Variants in POLA1 observed in about 807,000 individuals in gnomAD.
POLA1 encodes the protein DNA polymerase alpha 1, catalytic subunit, also known as DNA polymerase alpha catalytic subunit.
A neutral mutation model predicts 124.0 loss-of-function variants in POLA1; 15 were observed. That is an observed-to-expected ratio of 0.12 (90% CI 0.08 to 0.19). POLA1 has a LOEUF of 0.19. Among genes scored for constraint, POLA1 ranks in the 10% least tolerant of loss-of-function variants. The pLI is 1.00. For missense variants in POLA1, 886 were observed against 1,103.4 expected (o/e 0.80, Z 2.79); for synonymous variants, 408 against 389.4 (o/e 1.05, Z -0.56).
rs2046437198 is a variant in POLA1 at position 24,843,603 on chromosome X, C to T, written c.3973C>T (p.Pro1325Ser). Residue 1325 changes from proline to serine, a missense_variant, in exon 34 of 37, where the codon CCT (proline) becomes TCT (serine). Transcript: ENST00000379068. ...RCSNIDCKASPLTFTVQLSNK... is the reference protein window; with the variant it reads ...RCSNIDCKASSLTFTVQLSNK... ...CAGTAACATCGATTGTAAGGCTTCA[C>T]CTCTGACCTTTACAGTACAACTGAG... is the stretch of plus-strand genomic sequence containing the variant. 3 of 1,186,090 alleles carry T rather than the reference C, an allele frequency of 2.5e-6. No individual in the cohort carries two copies. Among genetic ancestry groups the T allele is most frequent in the Non-Finnish European group, 3.4e-6 (3 of 874,537 alleles).
At chrX:24,702,483 C>A (rs977064283) in intron 2 of POLA1, among the ~76,000 whole-genome samples, 1 of 112,601 alleles carries the variant, frequency 8.9e-6, no homozygotes, top group Non-Finnish European at 1.9e-5. Context: ...GTGTATCTTT[C>A]ATTTGTTGCT....
At chrX:24,873,924 A>G (rs1325864079) in intron 34 of POLA1, among the ~76,000 whole-genome samples, 1 of 112,258 alleles carries the variant, frequency 8.9e-6, no homozygotes, top group Non-Finnish European at 1.9e-5. Context: ...AATTTGCTGT[A>G]TATTTTACAC....
intron 19 of POLA1, among the ~76,000 whole-genome samples, chrX:24,738,045 C>G (rs777058139): frequency 9.7e-6 from 1 of 102,890 alleles, no homozygotes; most frequent in South Asian, 4.2e-4. Context: ...AACCCCGTCT[C>G]TACTAAAAAT....
At chrX:24,988,528 C>T (rs1355369625) in intron 36 of POLA1, among the ~76,000 whole-genome samples, 4 of 112,693 alleles carry the variant, frequency 3.5e-5, no homozygotes, top group African/African-American at 1.3e-4. Context: ...AGCCTGTGTA[C>T]ACACCCATAT....
At chrX:24,813,465 A>T (rs1439684283) in intron 29 of POLA1, among the ~76,000 whole-genome samples, 2 of 112,288 alleles carry the variant, frequency 1.8e-5, no homozygotes, top group African/African-American at 3.2e-5. Context: ...GAAGAATGTG[A>T]TAATAAGGCC....
intron 36 of POLA1, among the ~76,000 whole-genome samples, chrX:24,975,487 T>C (rs187439045): frequency 1.0e-3 from 116 of 112,109 alleles, no homozygotes; most frequent in African/African-American, 2.8e-3. Flanking sequence ...AAGAGCAGCA[T>C]TGTTTTAAAT....
intron 35 of POLA1, among the ~76,000 whole-genome samples, chrX:24,919,934 C>T (rs1015296495): frequency 1.9e-5 from 2 of 103,429 alleles, no homozygotes; most frequent in Admixed American, 2.1e-4. Flanking sequence ...ACAGTCTCCA[C>T]CTCCCAGATT....
chrX:24,846,464 A>G (rs1302733332), intron 34 of POLA1, among the ~76,000 whole-genome samples: 2 of 112,054 alleles, frequency 1.8e-5, no homozygotes, highest in Admixed American at 9.5e-5. Context: ...AGTTGATTTC[A>G]TGCCCTGGTC....
chrX:24,711,799 T>C (rs1037948710), intron 4 of POLA1, among the ~76,000 whole-genome samples: 3 of 112,010 alleles, frequency 2.7e-5, no homozygotes, highest in African/African-American at 9.7e-5. Context: ...GGTTTCACCA[T>C]GTTGGCCAGG....
At chrX:24,843,267 T>G (rs1250760847) in intron 33 of POLA1, among the ~76,000 whole-genome samples, 4 of 111,888 alleles carry the variant, frequency 3.6e-5, no homozygotes. Context: ...AGAGGGAAAA[T>G]TATTTTATCC....
chrX:24,864,134 A>G (rs965720005), intron 34 of POLA1, among the ~76,000 whole-genome samples: 9 of 109,879 alleles, frequency 8.2e-5, no homozygotes, highest in African/African-American at 3.0e-4. Flanking sequence ...GGCGCCTACC[A>G]CCACGCCTGG....
At chrX:24,901,454 G>GAA (rs1357578641) in intron 35 of POLA1, among the ~76,000 whole-genome samples, 4 of 111,407 alleles carry the variant, frequency 3.6e-5, no homozygotes, top group Non-Finnish European at 7.5e-5. Flanking sequence ...GGGGAAAGCC[G>GAA]AAAGAGGTAA....
chrX:24,798,901 T>C (rs1218441892), intron 26 of POLA1, among the ~76,000 whole-genome samples: 1 of 111,301 alleles, frequency 9.0e-6, no homozygotes, highest in Non-Finnish European at 1.9e-5. Flanking sequence ...TCTCAGAAGA[T>C]TTTTTTTAAG....
intron 35 of POLA1, among the ~76,000 whole-genome samples, chrX:24,925,090 G>A (rs1338046161): frequency 8.9e-6 from 1 of 112,290 alleles, no homozygotes; most frequent in Non-Finnish European, 1.9e-5. Flanking sequence ...AGATTTAACT[G>A]TATCTTCACC....
intron 34 of POLA1, among the ~76,000 whole-genome samples, chrX:24,884,346 G>T (rs988476836): frequency 9.0e-6 from 1 of 110,741 alleles, no homozygotes; most frequent in African/African-American, 3.3e-5. Context: ...ACAGGGTTTT[G>T]CCATGTTGCC....
At chrX:24,806,643 C>T (rs995135693) in intron 26 of POLA1, among the ~76,000 whole-genome samples, 1 of 111,397 alleles carries the variant, frequency 9.0e-6, no homozygotes. Context: ...CCACAGAAAT[C>T]GGTACAACCT....
chrX:24,768,213 CT>C (rs1932954116), intron 26 of POLA1, among the ~76,000 whole-genome samples: 1 of 112,318 alleles, frequency 8.9e-6, no homozygotes, highest in African/African-American at 3.2e-5. Flanking sequence ...TTTCTGAGAG[CT>C]TCAATTTTCC....
At chrX:24,720,643 C>T (rs957683311) in intron 10 of POLA1, among the ~76,000 whole-genome samples, 8 of 111,987 alleles carry the variant, frequency 7.1e-5, no homozygotes, top group Non-Finnish European at 1.9e-5. Flanking sequence ...CTTCATATTG[C>T]CAGCGTCAGT....
intron 26 of POLA1, among the ~76,000 whole-genome samples, chrX:24,807,952 T>C (rs1186849149): frequency 8.9e-6 from 1 of 112,021 alleles, no homozygotes; most frequent in Non-Finnish European, 1.9e-5. Context: ...ATTTATTCTG[T>C]CCAGCAAGAG....
Sources: allele counts gnomAD v4.1 joint callset (sites outside exome capture counted in the v4.1 genomes callset), GRCh38; gene constraint gnomAD v4.1.1; transcripts MANE v1.5; gene names NCBI Gene and HGNC (gene_info 2026-07-23, HGNC 2026-07-21).